VSNL1: variants seen among roughly 807,000 people sequenced by gnomAD.
VSNL1 encodes visinin like 1.
Under a neutral mutation model 20.4 loss-of-function variants are expected in VSNL1, and 6 were observed. The observed-to-expected ratio is 0.29, with a 90% CI of 0.16 to 0.58. The LOEUF (loss-of-function observed/expected upper bound fraction) is 0.58. VSNL1 is among the 20% of genes least tolerant of loss of function. VSNL1 has a pLI of 0.90. For missense variants in VSNL1, 100 were observed against 234.5 expected (o/e 0.43, Z 3.75); for synonymous variants, 93 against 86.4 (o/e 1.08, Z -0.42).
intron 2 of VSNL1, among the ~76,000 whole-genome samples, chr2:17,601,846 G>T (rs931965002): frequency 6.6e-6 from 1 of 151,948 alleles, no homozygotes; most frequent in African/African-American, 2.4e-5. Context: ...GAGGGCACAA[G>T]AATTGCTTGA....
At chr2:17,625,774 T>C (rs935954031) in intron 2 of VSNL1, among the ~76,000 whole-genome samples, 1 of 151,352 alleles carries the variant, frequency 6.6e-6, no homozygotes, top group Non-Finnish European at 1.5e-5. Flanking sequence ...AGGGAAGATA[T>C]AGAGAAAAGG....
intron 2 of VSNL1, among the ~76,000 whole-genome samples, chr2:17,592,640 C>CTCTT (rs1664618867): frequency 1.4e-5 from 1 of 70,858 alleles, no homozygotes; most frequent in Non-Finnish European, 2.6e-5. Context: ...CTCTCTCTCT[C>CTCTT]TTTTTTTTTT....
At chr2:17,604,795 G>A (rs911317435) in intron 2 of VSNL1, among the ~76,000 whole-genome samples, 1 of 152,228 alleles carries the variant, frequency 6.6e-6, no homozygotes, top group African/African-American at 2.4e-5. Context: ...CAAGATGGTT[G>A]TTGTCCTATG....
rs1336759491 is a variant in VSNL1, at chr2:17,655,555, G to A, written c.*161G>A. 8 of 642,500 alleles carry A rather than the reference G, an allele frequency of 1.2e-5. No homozygotes were observed. Among genetic ancestry groups the A allele is most frequent in the South Asian group, 6.8e-5 (3 of 44,302 alleles). The allele number at this position is 642,500 out of a possible 1,614,324, so 39.8% of individuals were successfully genotyped here. Reference sequence around the variant, plus strand: ...CTTGCTTCTTGTGTTTGAAACACTCGTGTGCATGAGAATGTCATTTGCTAA... The same window carrying A: ...CTTGCTTCTTGTGTTTGAAACACTCATGTGCATGAGAATGTCATTTGCTAA... On this transcript the variant is annotated 3_prime_UTR_variant, in exon 4 of 4. Transcript: ENST00000295156. This position sits in a 1 kb window ranked among gnomAD's most constrained non-coding sequence, Gnocchi z 5.2.
chr2:17,627,886 G>T (rs1038965430), intron 2 of VSNL1, among the ~76,000 whole-genome samples: 1 of 152,154 alleles, frequency 6.6e-6, no homozygotes, highest in African/African-American at 2.4e-5. Context: ...TTTTGGGAAG[G>T]GCTATTATAT....
At chr2:17,638,827 G>A (rs991938017) in intron 2 of VSNL1, among the ~76,000 whole-genome samples, 18 of 152,206 alleles carry the variant, frequency 1.2e-4, no homozygotes, top group African/African-American at 4.3e-4. Flanking sequence ...AATAATCAAG[G>A]AGTTGGGGTT....
At chr2:17,584,934 G>T (rs1447801866) in intron 1 of VSNL1, among the ~76,000 whole-genome samples, 2 of 152,136 alleles carry the variant, frequency 1.3e-5, no homozygotes, top group Non-Finnish European at 2.9e-5. Flanking sequence ...ATTGATCCCT[G>T]GGGCCCACTT....
chr2:17,545,127 A>G (rs1663377714), intron 1 of VSNL1, among the ~76,000 whole-genome samples: 1 of 152,150 alleles, frequency 6.6e-6, no homozygotes, highest in Non-Finnish European at 1.5e-5. Context: ...TGGAAACTCA[A>G]TATTTGTCAA....
At chr2:17,566,803 G>A (rs533273656) in intron 1 of VSNL1, among the ~76,000 whole-genome samples, 4 of 152,238 alleles carry the variant, frequency 2.6e-5, no homozygotes, top group Admixed American at 6.5e-5. Context: ...TTTGAGATTG[G>A]TGTGAGGTTG....
intron 1 of VSNL1, among the ~76,000 whole-genome samples, chr2:17,586,828 A>G (rs892927322): frequency 2.6e-5 from 4 of 152,192 alleles, no homozygotes; most frequent in Non-Finnish European, 5.9e-5. Flanking sequence ...ATTGGAATGG[A>G]GTCTTGCAGC....
At chr2:17,648,437 C>T (rs116497030) in intron 2 of VSNL1, among the ~76,000 whole-genome samples, 97 of 152,274 alleles carry the variant, frequency 6.4e-4, no homozygotes, top group African/African-American at 2.3e-3. Context: ...GCAAAACTTA[C>T]GAAGGAAAAG....
rs1489457955 is a variant in VSNL1 at position 17,573,658 on chromosome 2, A to G, written c.-5-18412A>G. 2.0e-5 allele frequency among the ~76,000 whole-genome samples: 3 copies of G among 152,190 alleles called. No homozygotes were observed. The East Asian group carries it at 5.8e-4, about 29-fold the overall frequency. ...CTGAGACAGAGATGAGGTCCTGCCC[A>G]TTGTATCCTCCATTGCCTTATGCTT... is the stretch of plus-strand genomic sequence containing the variant. On this transcript the variant is annotated intron_variant, in intron 1 of 3. Transcript: ENST00000295156.
chr2:17,541,975 A>G (rs1663294081), intron 1 of VSNL1, among the ~76,000 whole-genome samples: 1 of 152,208 alleles, frequency 6.6e-6, no homozygotes, highest in Non-Finnish European at 1.5e-5. Context: ...TCCTGTCCGT[A>G]TTTTGGAAAC....
At chr2:17,559,351 T>C (rs574284103) in intron 1 of VSNL1, among the ~76,000 whole-genome samples, 12 of 150,374 alleles carry the variant, frequency 8.0e-5, no homozygotes, top group Non-Finnish European at 1.6e-4. Context: ...TAAGATACAA[T>C]AAATATTTAA....
At chr2:17,619,358 T>G (rs1318413117) in intron 2 of VSNL1, among the ~76,000 whole-genome samples, 1 of 152,160 alleles carries the variant, frequency 6.6e-6, no homozygotes, top group Non-Finnish European at 1.5e-5. Flanking sequence ...CAGGCTAATT[T>G]TTCTTGGAGA....
At chr2:17,583,155 C>A (rs1390440620) in intron 1 of VSNL1, among the ~76,000 whole-genome samples, 1 of 152,132 alleles carries the variant, frequency 6.6e-6, no homozygotes, top group Admixed American at 6.5e-5. Flanking sequence ...AACTTGTCTA[C>A]TATTGGTGGA....
rs914064708 is a variant in VSNL1 at position 17,634,436 on chromosome 2, C to G, written c.163-14974C>G. ...GAGAAGGCAATAGGAACTTCTGTCC[C>G]TTTCCATCTCAGCCTTTGCATTTAG... On this transcript the variant is annotated intron_variant, in intron 2 of 3. Coordinates refer to ENST00000295156, the MANE Select transcript of VSNL1 (RefSeq NM_003385.5). The surrounding 1 kb of genome is among the most constrained non-coding windows in gnomAD (Gnocchi z 4.3). Among the ~76,000 whole-genome samples the G allele has an allele frequency of 6.6e-6, 1 of 152,224 alleles. No individual in the cohort carries two copies. The highest frequency in any genetic ancestry group is 2.4e-5 in the African/African-American group (1 of 41,452).
chr2:17,552,135 G>A (rs535383861), intron 1 of VSNL1, among the ~76,000 whole-genome samples: 1 of 148,316 alleles, frequency 6.7e-6, no homozygotes, highest in South Asian at 2.1e-4. Flanking sequence ...GGGAGGCGGA[G>A]CTTGCAGTGA....
At position 17,554,744 on chromosome 2, in the gene VSNL1, T is replaced by G. The variant is rs1426143672; in HGVS notation, c.-6+13826T>G. On this transcript the variant is annotated intron_variant, in intron 1 of 3. Transcript: ENST00000295156. ...AGTAAAAAGAGTAATATTCGCTCAT[T>G]GTGAAAATTTGGAAAACAAAACAGA... is the stretch of plus-strand genomic sequence containing the variant. Among the ~76,000 whole-genome samples the G allele has an allele frequency of 3.3e-5, 5 of 152,248 alleles. No individual in the cohort carries two copies. The East Asian group carries it at 9.6e-4, about 29-fold the overall frequency.
Sources: gnomAD v4.1 joint callset for allele counts (sites outside exome capture counted in the v4.1 genomes callset) on GRCh38, gnomAD v4.1.1 for gene constraint, Gnocchi (gnomAD v3.1) non-coding constraint, MANE v1.5 for transcripts, NCBI Gene and HGNC (gene_info 2026-07-23, HGNC 2026-07-21) for gene names.